XKR3: variants seen among roughly 807,000 people sequenced by gnomAD.
XKR3 encodes the protein XK-related protein 3.
A neutral mutation model predicts 40.3 loss-of-function variants in XKR3; 27 were observed. The ratio of observed to expected loss-of-function variants is 0.67; its 90% CI spans 0.49 to 0.92. The LOEUF is 0.92. Ranked by LOEUF, XKR3 falls within the 40% of genes least tolerant of loss-of-function variation. The pLI is 0.00. For missense variants in XKR3, 472 were observed against 537.6 expected, an observed-to-expected ratio of 0.88 and a Z score of 1.21; for synonymous variants, 193 against 195.4, an observed-to-expected ratio of 0.99 and a Z score of 0.10.
Position 16,823,045 on chromosome 22 carries a change from A to T in XKR3, c.-11+2246T>A, listed in dbSNP as rs114503676. Among the ~76,000 whole-genome samples, 644 of 152,112 alleles carry T rather than the reference A, an allele frequency of 4.2e-3. 4 individuals carry two copies. Among genetic ancestry groups the T allele is most frequent in the African/African-American group, 0.015 (604 of 41,498 alleles). On this transcript the variant is annotated intron_variant, in intron 1 of 3. Coordinates refer to ENST00000684488, the MANE Select transcript of XKR3 (RefSeq NM_001386955.1). ...ACCACAGGTGCATGCCACCATGTAC[A>T]CTAATTTTTGTGTTTTTTGAGGAGA...
intron 3 of XKR3, among the ~76,000 whole-genome samples, chr22:16,797,344 T>A (rs1272038107): frequency 6.6e-6 from 1 of 152,090 alleles, no homozygotes; most frequent in Non-Finnish European, 1.5e-5. Context: ...AACTAAAGGT[T>A]TTCCGCACAG....
At chr22:16,794,875 A>C (rs2060133986) in intron 3 of XKR3, among the ~76,000 whole-genome samples, 1 of 152,238 alleles carries the variant, frequency 6.6e-6, no homozygotes, top group Admixed American at 6.5e-5. Context: ...GCAGGAAAAC[A>C]GATGTGAAAC....
intron 3 of XKR3, among the ~76,000 whole-genome samples, chr22:16,799,436 C>CAAAAAAAAAAAAAAAAAAAAAAAAAA (rs2060157854): frequency 8.5e-5 from 5 of 59,014 alleles, no homozygotes; most frequent in Admixed American, 3.6e-4. Flanking sequence ...AAAAAAAAAG[C>CAAAAAAAAAAAAAAAAAAAAAAAAAA]AATGCTGTTT....
chr22:16,789,912 A>G (rs2060106875), intron 3 of XKR3, among the ~76,000 whole-genome samples: 1 of 152,190 alleles, frequency 6.6e-6, no homozygotes, highest in African/African-American at 2.4e-5. Flanking sequence ...CTGGGAAAAC[A>G]AGAGAGCTAC....
intron 1 of XKR3, among the ~76,000 whole-genome samples, chr22:16,820,120 T>C (rs1191671145): frequency 6.6e-6 from 1 of 152,146 alleles, no homozygotes; most frequent in East Asian, 1.9e-4. Context: ...CCAAAACTGT[T>C]TGCCATGCAG....
At chr22:16,814,557 AT>A (rs2060225694) in intron 1 of XKR3, among the ~76,000 whole-genome samples, 1 of 152,154 alleles carries the variant, frequency 6.6e-6, no homozygotes, top group South Asian at 2.1e-4. Flanking sequence ...CTGTAGGTCA[AT>A]TTTGCGGTGT....
chr22:16,809,003 G>A (rs1486628125), intron 1 of XKR3, among the ~76,000 whole-genome samples: 3 of 152,056 alleles, frequency 2.0e-5, no homozygotes, highest in East Asian at 1.9e-4. Flanking sequence ...CCCAGAAGAC[G>A]TTGGTGGTTT....
intron 1 of XKR3, among the ~76,000 whole-genome samples, chr22:16,822,338 A>C (rs574530449): frequency 2.0e-5 from 3 of 152,226 alleles, no homozygotes; most frequent in African/African-American, 7.2e-5. Flanking sequence ...GCAAGAACTA[A>C]AGTAACAGTA....
intron 1 of XKR3, among the ~76,000 whole-genome samples, chr22:16,823,418 G>C (rs2060264061): frequency 6.6e-6 from 1 of 152,186 alleles, no homozygotes; most frequent in Non-Finnish European, 1.5e-5. Context: ...AGGACTCACT[G>C]ATTAAGAGTA....
chr22:16,801,440 G>T (rs146409482), intron 2 of XKR3, among the ~76,000 whole-genome samples: 1 of 152,142 alleles, frequency 6.6e-6, no homozygotes, highest in African/African-American at 2.4e-5. Flanking sequence ...CCCAGTTATT[G>T]CTGAGGCAGG....
chr22:16,820,933 G>C (rs1276838733), intron 1 of XKR3, among the ~76,000 whole-genome samples: 3 of 152,144 alleles, frequency 2.0e-5, no homozygotes, highest in African/African-American at 7.2e-5. Flanking sequence ...CCTCTTTTGT[G>C]ATAGAATACC....
At chr22:16,823,024 C>T (rs1263751519) in intron 1 of XKR3, among the ~76,000 whole-genome samples, 1 of 152,102 alleles carries the variant, frequency 6.6e-6, no homozygotes, top group Non-Finnish European at 1.5e-5. Flanking sequence ...GCTGGGACCA[C>T]AGGTGCATGC....
intron 3 of XKR3, among the ~76,000 whole-genome samples, chr22:16,794,702 A>G (rs1348949913): frequency 5.9e-5 from 9 of 152,192 alleles, no homozygotes; most frequent in Admixed American, 4.6e-4. Flanking sequence ...GATCACAATC[A>G]CATATCAATA....
At chr22:16,791,018 T>G (rs1414616480) in intron 3 of XKR3, among the ~76,000 whole-genome samples, 1 of 152,150 alleles carries the variant, frequency 6.6e-6, no homozygotes, top group Non-Finnish European at 1.5e-5. Context: ...AAATTAGTAC[T>G]AATGCATTAT....
intron 2 of XKR3, among the ~76,000 whole-genome samples, chr22:16,806,668 C>T (rs553177688): frequency 1.3e-5 from 2 of 151,950 alleles, no homozygotes; most frequent in Non-Finnish European, 2.9e-5. Context: ...CTACTCCTGA[C>T]CTCAAATGAT....
Position 16,799,920 on chromosome 22 carries a change from C to T in XKR3, c.440G>A (p.Arg147Lys). 1 of 1,614,098 alleles carries T rather than the reference C, an allele frequency of 6.2e-7. No individual in the cohort carries two copies. The change falls in exon 3 of 4, where the codon AGG (arginine) becomes AAG (lysine). Residue 147 changes from arginine (R) to lysine (K), a missense_variant. Arg to Lys is a conservative substitution (Grantham distance 26, BLOSUM62 2). Transcript: ENST00000684488. ...ATCCCGGATTGAGAATGCAATCTCC[C>T]TTTCCAGCATCGTGTTTCTCTTTGT... Reference protein sequence around the residue: ...SITKRNTMLEREIAFSIRDNF... With the variant: ...SITKRNTMLEKEIAFSIRDNF...
At chr22:16,794,655 A>G (rs2060133273) in intron 3 of XKR3, among the ~76,000 whole-genome samples, 1 of 152,212 alleles carries the variant, frequency 6.6e-6, no homozygotes, top group African/African-American at 2.4e-5. Context: ...CAGCTACACA[A>G]CGAAGTCTAC....
rs1401893091 is a variant in XKR3, at chr22:16,783,762, T to C, written c.1237A>G (p.Thr413Ala). The C allele has an allele frequency of 1.2e-6, 2 of 1,614,220 alleles. No homozygotes were observed. Among genetic ancestry groups the C allele is most frequent in the East Asian group, 2.2e-5 (1 of 44,888 alleles). Residue 413 changes from threonine (T) to alanine (A), a missense_variant, in exon 4 of 4, where the codon ACT becomes GCT. Transcript: ENST00000684488. ...TACGGTGCTTCTGGCTGATTTTCAG[T>C]ACGTCCTGGCAACACTTTGCCTGAC... Reference protein sequence around the residue: ...WQSGKVLPGRTENQPEAPYYY... With the variant: ...WQSGKVLPGRAENQPEAPYYY...
Position 16,794,446 on chromosome 22 carries a change from A to G in XKR3, c.589+5325T>C, listed in dbSNP as rs2060132542. On this transcript the variant is annotated intron_variant, in intron 3 of 3. Coordinates refer to ENST00000684488, the MANE Select transcript of XKR3 (RefSeq NM_001386955.1). ...CAACATTAAAAAAAAAAATCCAAGA[A>G]TTTTATATCCCACCAAACTAAGATT... Among the ~76,000 whole-genome samples, 11 of 152,286 alleles carry G rather than the reference A, an allele frequency of 7.2e-5. No individual in the cohort carries two copies. The South Asian group carries it at 2.3e-3, about 32-fold the overall frequency.
Sources: gnomAD v4.1 joint callset for allele counts (sites outside exome capture counted in the v4.1 genomes callset) on GRCh38, gnomAD v4.1.1 for gene constraint, MANE v1.5 for transcripts, NCBI Gene and HGNC (gene_info 2026-07-23, HGNC 2026-07-21) for gene names.